The following CCDC71 variants were observed in gnomAD, a reference collection of about 807,000 sequenced individuals.
CCDC71 encodes the protein coiled-coil domain-containing protein 71.
For missense variants in CCDC71, 594 were observed against 604.0 expected, an observed-to-expected ratio of 0.98 and a Z score of 0.17; for synonymous variants, 257 against 242.2, an observed-to-expected ratio of 1.06 and a Z score of -0.57.
chr3:49,162,621 T>A lies in CCDC71; in HGVS notation c.*184A>T. On this transcript the variant is annotated 3_prime_UTR_variant, in exon 2 of 2. Coordinates refer to ENST00000321895, the MANE Select transcript of CCDC71 (RefSeq NM_022903.4). ...GTGCATCGCGCCATGAAAACACCCCTCCCGCCCACCCACCCCACCGTACCC... is the reference window on the plus strand; with the variant it reads ...GTGCATCGCGCCATGAAAACACCCCACCCGCCCACCCACCCCACCGTACCC... 2 of 28,830 alleles carry A rather than the reference T, an allele frequency of 6.9e-5. No individual in the cohort carries two copies. Among genetic ancestry groups the A allele is most frequent in the South Asian group, 1.0e-3 (1 of 984 alleles). 1.8% of individuals were successfully genotyped at this position (28,830 alleles called of 1,614,324 possible). A position where few individuals can be genotyped will look rare whatever the true frequency, so the allele number is the denominator to read the frequency against.
rs202230852 is a variant in CCDC71, at chr3:49,163,849, C to T, written c.360G>A (p.Pro120=). 136 of 1,614,108 alleles carry T rather than the reference C, an allele frequency of 8.4e-5. No homozygotes were observed. The highest frequency in any genetic ancestry group is 3.4e-4 in the South Asian group (31 of 91,082). Residue 120 remains proline, a synonymous_variant, in exon 2 of 2, where the codon CCG becomes CCA. Coordinates refer to ENST00000321895, the MANE Select transcript of CCDC71 (RefSeq NM_022903.4). ...PAGRATLLPM[P]LSGRLAKAST... is the part of the protein sequence containing the mutation. ...ATGCTTTGGCCAGTCTGCCAGATAG[C>T]GGCATGGGAAGCAGTGTGGCCCGAC...
rs1432610964 is a variant in CCDC71, at chr3:49,162,815, G to C, written c.1394C>G (p.Ser465Ter). The change falls in exon 2 of 2, where the codon TCA becomes TGA. Residue 465 changes from serine to a stop codon, truncating the protein, a stop_gained. Transcript: ENST00000321895. LOFTEE classifies it high-confidence loss of function. ...TGCCGTGTGAAGGAATCAGACTGCT[G>C]AATATGGCAGCAATGGCTGGAGCCG... is the stretch of plus-strand genomic sequence containing the variant. Reference protein sequence around the residue: ...VIRLQPLLPYSAV With the variant: ...VIRLQPLLPY 1.2e-6 allele frequency: 2 copies of C among 1,613,182 alleles called. No individual in the cohort carries two copies. The highest frequency in any genetic ancestry group is 1.7e-6 in the Non-Finnish European group (2 of 1,179,602).
chr3:49,163,131 G>A lies in CCDC71; in HGVS notation c.1078C>T (p.Pro360Ser). ...CCCTTTGGCCTGCCTCTGCCCCTGG[G>A]CTGGGTCCGAGCCACCTTGGCCTTG... Reference protein sequence around the residue: ...RAKAKVARTQPRGRGRPKGSA... With the variant: ...RAKAKVARTQSRGRGRPKGSA... Residue 360 changes from proline to serine, a missense_variant, in exon 2 of 2, where the codon CCC becomes TCC. Physicochemically the swap from Pro to Ser is moderately conservative, Grantham distance 74 (BLOSUM62 -1). Transcript: ENST00000321895. 6.2e-7 allele frequency: 1 copy of A among 1,614,208 alleles called. No homozygotes were observed. Among genetic ancestry groups the A allele is most frequent in the Non-Finnish European group, 8.5e-7 (1 of 1,180,050 alleles).
At chr3:49,165,740 G>T (rs2045719866) in intron 1 of CCDC71, among the ~76,000 whole-genome samples, 1 of 152,276 alleles carries the variant, frequency 6.6e-6, no homozygotes, top group African/African-American at 2.4e-5. Flanking sequence ...CTGTAGAAGA[G>T]AGAGGGACCT....
Position 49,164,095 on chromosome 3 carries a change from G to A in CCDC71, c.114C>T (p.Ser38=). The change falls in exon 2 of 2, where the codon AGC becomes AGT. Residue 38 remains serine (S), a synonymous_variant. Coordinates refer to ENST00000321895, the MANE Select transcript of CCDC71 (RefSeq NM_022903.4). ...EEALLVFNPM[S]QDLSATEAQL... is the part of the protein sequence containing the mutation. ...GGGCCTCTGTGGCACTGAGATCCTG[G>A]CTCATTGGGTTAAAGACAAGCAGTG... The A allele has an allele frequency of 6.2e-7, 1 of 1,614,036 alleles. No homozygotes were observed. Among genetic ancestry groups the A allele is most frequent in the Non-Finnish European group, 8.5e-7 (1 of 1,180,014 alleles).
At chr3:49,164,495 C>T (rs2045711451) in intron 1 of CCDC71, among the ~76,000 whole-genome samples, 1 of 152,174 alleles carries the variant, frequency 6.6e-6, no homozygotes, top group African/African-American at 2.4e-5. Context: ...TCAGAGCCAT[C>T]CAACCTGCTG....
chr3:49,163,274 T>TTGGCCC lies in CCDC71; in HGVS notation c.929_934dup (p.Arg310_Ala311dup), dbSNP rs1387286602. ...AGCCTTGACCTGTGCTGCCTTGGCC[T>TTGGCCC]TGGCCCGGGCCTTAGCAGCCTTGGC... On this transcript the variant is annotated inframe_insertion, in exon 2 of 2. Transcript: ENST00000321895. The TTGGCCC allele has an allele frequency of 2.5e-6, 4 of 1,589,816 alleles. No individual in the cohort carries two copies. Among genetic ancestry groups the TTGGCCC allele is most frequent in the Non-Finnish European group, 3.4e-6 (4 of 1,160,994 alleles).
rs533873038 is a variant in CCDC71 at position 49,162,980 on chromosome 3, C to A, written c.1229G>T (p.Arg410Leu). 5.6e-4 allele frequency: 910 copies of A among 1,614,268 alleles called. 9 individuals are homozygous for A. The South Asian group carries it at 9.4e-3, about 17-fold the overall frequency. ...AGGCCCTAGCCATGCCTTAGGAGAT[C>A]GGGGCCCAAGCCGTGTTCTCTTCTT... ...PPKKRTRLGP[R>L]SPKAWLGPGT... The change falls in exon 2 of 2, where the codon CGA becomes CTA. Residue 410 changes from arginine to leucine, a missense_variant. By Grantham distance (102) the Arg-to-Leu change is moderately radical. Transcript: ENST00000321895.
In CCDC71 at chr3:49,163,367, G is replaced by A. The variant is rs760435661; in HGVS notation, c.842C>T (p.Ala281Val). 1 of 1,613,886 alleles carries A rather than the reference G, an allele frequency of 6.2e-7. No homozygotes were observed. Among genetic ancestry groups the A allele is most frequent in the Non-Finnish European group, 8.5e-7 (1 of 1,180,056 alleles). The change falls in exon 2 of 2, where the codon GCC (alanine) becomes GTC (valine). Residue 281 changes from alanine (A) to valine (V), a missense_variant. Coordinates refer to ENST00000321895, the MANE Select transcript of CCDC71 (RefSeq NM_022903.4). ...CAGTGTTCGAGCTACCTTGGCCTGGGCTGTTTTGGTGCCCAGGGCAGAGCC... is the reference window on the plus strand; with the variant it reads ...CAGTGTTCGAGCTACCTTGGCCTGGACTGTTTTGGTGCCCAGGGCAGAGCC... ...KGGSALGTKTAQAKVARTLAK... is the reference protein window; with the variant it reads ...KGGSALGTKTVQAKVARTLAK...
chr3:49,162,738 G>T lies in CCDC71; in HGVS notation c.*67C>A. The stretch of plus-strand genomic sequence containing the variant: ...CAAGATTGTGGAGTCCACGGACATA[G>T]CACACTGTGCCACTAGCCACACAGA... On this transcript the variant is annotated 3_prime_UTR_variant, in exon 2 of 2. Transcript: ENST00000321895. 1 of 1,504,990 alleles carries T rather than the reference G, an allele frequency of 6.6e-7. No individual in the cohort carries two copies. Among genetic ancestry groups the T allele is most frequent in the Non-Finnish European group, 9.0e-7 (1 of 1,112,676 alleles). 93.2% of individuals were successfully genotyped at this position (1,504,990 alleles called of 1,614,324 possible).
At chr3:49,165,954 G>A (rs925031205) in intron 1 of CCDC71, among the ~76,000 whole-genome samples, 1 of 152,236 alleles carries the variant, frequency 6.6e-6, no homozygotes, top group Non-Finnish European at 1.5e-5. Flanking sequence ...GGGCGTGAGA[G>A]AGGCGCCACA....
At position 49,163,795 on chromosome 3, in the gene CCDC71, G is replaced by A. The variant is rs756107372; in HGVS notation, c.414C>T (p.Thr138=). 1.4e-5 allele frequency: 22 copies of A among 1,614,038 alleles called. No individual in the cohort carries two copies. The Admixed American group carries it at 2.2e-4, about 16-fold the overall frequency. The stretch of plus-strand genomic sequence containing the variant: ...TCAGAGAGCTCAGCAGCAGGTTGGT[G>A]GTAGCATGCTTGGCAAGGGCTGGTG... ...ASTPALAKHA[T]TNLLLSSLKQ... Residue 138 remains threonine (T), a synonymous_variant, in exon 2 of 2, where the codon ACC becomes ACT. Coordinates refer to ENST00000321895, the MANE Select transcript of CCDC71 (RefSeq NM_022903.4).
Position 49,164,077 on chromosome 3 carries a change from T to C in CCDC71, c.132A>G (p.Thr44=), listed in dbSNP as rs200314352. 2.1e-5 allele frequency: 34 copies of C among 1,614,116 alleles called. No individual in the cohort carries two copies. The Admixed American group carries it at 4.3e-4, about 21-fold the overall frequency. The change falls in exon 2 of 2, where the codon ACA becomes ACG. Residue 44 remains threonine, a synonymous_variant. Transcript: ENST00000321895. ...GCAGGAAGGCCACAAGCTGGGCCTC[T>C]GTGGCACTGAGATCCTGGCTCATTG... The part of the protein sequence containing the change: ...FNPMSQDLSA[T]EAQLVAFLQG...
chr3:49,163,266 C>T lies in CCDC71; in HGVS notation c.943G>A (p.Ala315Thr), dbSNP rs759077974. The change falls in exon 2 of 2, where the codon GCA becomes ACA. Residue 315 changes from alanine (A) to threonine (T), a missense_variant. Transcript: ENST00000321895. Reference sequence around the variant, plus strand: ...TTGGCCTTAGCCTTGACCTGTGCTGCCTTGGCCTTGGCCCGGGCCTTAGCA... The same window carrying T: ...TTGGCCTTAGCCTTGACCTGTGCTGTCTTGGCCTTGGCCCGGGCCTTAGCA... ...KAAKARAKAK[A>T]AQVKAKAKAK... 2.5e-6 allele frequency: 4 copies of T among 1,589,726 alleles called. No individual in the cohort carries two copies. The South Asian group carries it at 3.3e-5, about 13-fold the overall frequency.
Position 49,163,114 on chromosome 3 carries a change from C to CCTGCCT in CCDC71, c.1089_1094dup (p.Gly364_Arg365dup). On this transcript the variant is annotated inframe_insertion, in exon 2 of 2. Coordinates refer to ENST00000321895, the MANE Select transcript of CCDC71 (RefSeq NM_022903.4). ...TTCTGGCCTTAGCAGATCCCTTTGG[C>CCTGCCT]CTGCCTCTGCCCCTGGGCTGGGTCC... is the stretch of plus-strand genomic sequence containing the variant. 1.2e-6 allele frequency: 2 copies of CCTGCCT among 1,614,250 alleles called. No homozygotes were observed. Among genetic ancestry groups the CCTGCCT allele is most frequent in the Non-Finnish European group, 1.7e-6 (2 of 1,180,056 alleles).
Position 49,163,047 on chromosome 3 carries a change from G to T in CCDC71, c.1162C>A (p.Gln388Lys). ...GCCTCCTCAGCCCTTTTCCTCTTCT[G>T]CCCAACAGTCTCAGGGCGGTTTTTC... ...GQKNRPETVG[Q>K]KRKRAEEAKD... Residue 388 changes from glutamine to lysine, a missense_variant, in exon 2 of 2, where the codon CAG becomes AAG. Coordinates refer to ENST00000321895, the MANE Select transcript of CCDC71 (RefSeq NM_022903.4). 1 of 1,614,236 alleles carries T rather than the reference G, an allele frequency of 6.2e-7. No homozygotes were observed. The highest frequency in any genetic ancestry group is 8.5e-7 in the Non-Finnish European group (1 of 1,180,046).
chr3:49,165,913 C>T (rs1404854929), intron 1 of CCDC71, among the ~76,000 whole-genome samples: 1 of 152,170 alleles, frequency 6.6e-6, no homozygotes, highest in African/African-American at 2.4e-5. Context: ...CACGTGCCCC[C>T]GGGGAAGGCA....
chr3:49,164,536 C>A (rs1164403043), intron 1 of CCDC71, among the ~76,000 whole-genome samples: 1 of 152,186 alleles, frequency 6.6e-6, no homozygotes, highest in African/African-American at 2.4e-5. Flanking sequence ...GAGCCTGGTA[C>A]ATTTTAATTC....
At position 49,163,177 on chromosome 3, in the gene CCDC71, AGCCTTGGCCTTG is replaced by A. The variant is rs758063899; in HGVS notation, c.1020_1031del (p.Lys345_Ala348del). On this transcript the variant is annotated inframe_deletion, in exon 2 of 2. Coordinates refer to ENST00000321895, the MANE Select transcript of CCDC71 (RefSeq NM_022903.4). Reference sequence around the variant, plus strand: ...CCTTGGCCCGTACTGCCTTGGCTTTAGCCTTGGCCTTGGCCCATGCTGCCATGACTTTGGCCT... The same window carrying A: ...CCTTGGCCCGTACTGCCTTGGCTTTAGCCCATGCTGCCATGACTTTGGCCT... 3 of 1,577,442 alleles carry A rather than the reference AGCCTTGGCCTTG, an allele frequency of 1.9e-6. No individual in the cohort carries two copies. The highest frequency in any genetic ancestry group is 2.6e-6 in the Non-Finnish European group (3 of 1,153,748).
Sources: allele counts gnomAD v4.1 joint callset (sites outside exome capture counted in the v4.1 genomes callset), GRCh38; gene constraint gnomAD v4.1.1; transcripts MANE v1.5; gene names NCBI Gene and HGNC (gene_info 2026-07-23, HGNC 2026-07-21).